The following MFSD8 variants were observed in gnomAD, a reference collection of about 807,000 sequenced individuals.
MFSD8 encodes the protein major facilitator superfamily domain-containing protein 8.
Under a neutral mutation model 66.4 loss-of-function variants are expected in MFSD8, and 55 were observed. That is an observed-to-expected ratio of 0.83 (90% CI 0.67 to 1.04). The LOEUF is 1.04. Ranked by LOEUF, MFSD8 falls within the 50% of genes least tolerant of loss-of-function variation. The pLI is 0.00. For synonymous variants in MFSD8, 202 were observed against 212.8 expected (o/e 0.95, Z 0.44); for missense variants, 550 against 627.6 (o/e 0.88, Z 1.32).
chr4:127,951,593 C>G (rs750825145), intron 2 of MFSD8, among the ~76,000 whole-genome samples: 3 of 152,094 alleles, frequency 2.0e-5, no homozygotes, highest in Non-Finnish European at 4.4e-5. Flanking sequence ...AGCTATCACC[C>G]TGTTTCATCC....
chr4:127,961,554 C>A (rs568342235), intron 1 of MFSD8, among the ~76,000 whole-genome samples: 1 of 152,228 alleles, frequency 6.6e-6, no homozygotes, highest in South Asian at 2.1e-4. Flanking sequence ...GTGGCTCACA[C>A]CTGTAATCCC....
At position 127,921,768 on chromosome 4, in the gene MFSD8, A is replaced by G. The variant is rs2148840460; in HGVS notation, c.1106T>C (p.Leu369Ser). 1 of 1,614,204 alleles carries G rather than the reference A, an allele frequency of 6.2e-7. No homozygotes were observed. ...NQFPKIQWED[L>S]HNNSIPNTTF... is the part of the protein sequence containing the mutation. ...GGTATTAGGGATTGAATTATTGTGC[A>G]AATCTGTAAAAACAAAACCATTGCA... The change falls in exon 11 of 12, where the codon TTG becomes TCG. Residue 369 changes from leucine (L) to serine (S), a missense_variant. By Grantham distance (145) the Leu-to-Ser change is moderately radical (BLOSUM62 -2). Transcript: ENST00000641686.
intron 7 of MFSD8, chr4:127,934,416 T>C (rs776185908): frequency 4.6e-5 from 7 of 152,146 alleles, no homozygotes; most frequent in Non-Finnish European, 7.3e-5. Context: ...GAACAACGCC[T>C]TAAGGTTAAT....
At chr4:127,938,734 A>G in intron 7 of MFSD8, 49 bp downstream of exon 7, 1 of 1,485,180 alleles carries the variant, frequency 6.7e-7, no homozygotes, top group Non-Finnish European at 9.4e-7. Flanking sequence ...GAATCATTAG[A>G]AACACTTTGA....
chr4:127,962,760 T>C (rs774002212), intron 1 of MFSD8, among the ~76,000 whole-genome samples: 1 of 152,202 alleles, frequency 6.6e-6, no homozygotes, highest in Non-Finnish European at 1.5e-5. Flanking sequence ...GACATCACTC[T>C]ACTAAAATTC....
chr4:127,965,204 T>A (rs1744871018), upstream of MFSD8: 1 of 1,589,356 alleles, frequency 6.3e-7, no homozygotes. Flanking sequence ...CCGGGTGGCG[T>A]GAAGCTGGCA....
intron 9 of MFSD8, among the ~76,000 whole-genome samples, chr4:127,923,567 AT>A (rs1736701940): frequency 6.9e-6 from 1 of 144,164 alleles, no homozygotes; most frequent in Admixed American, 7.0e-5. Context: ...TATTATTATT[AT>A]TATTATTATT....
In MFSD8 at chr4:127,954,560, G is replaced by A. The variant is rs140956444; in HGVS notation, c.154+2941C>T. ...GAACCCGAAAGCGGGAGGTTGCAGC[G>A]AGCCGAGATAGTGCCATTGCACTCC... On this transcript the variant is annotated intron_variant, in intron 2 of 11. Transcript: ENST00000641686. Among the ~76,000 whole-genome samples, 7 of 152,294 alleles carry A rather than the reference G, an allele frequency of 4.6e-5. No homozygotes were observed. The East Asian group carries it at 1.2e-3, about 25-fold the overall frequency.
chr4:127,921,828 G>A (rs1736382116), intron 10 of MFSD8, 32 bp downstream of exon 10: 1 of 1,613,316 alleles, frequency 6.2e-7, no homozygotes, highest in Non-Finnish European at 8.5e-7. Flanking sequence ...AAATAACAGA[G>A]GTTAACATTA....
chr4:127,948,818 G>C (rs1263359938), intron 3 of MFSD8, among the ~76,000 whole-genome samples: 6 of 152,200 alleles, frequency 3.9e-5, no homozygotes, highest in Non-Finnish European at 8.8e-5. Flanking sequence ...ACTCTTCGGA[G>C]AGTCCCCACC....
At chr4:127,936,977 A>C (rs1469225698) in intron 7 of MFSD8, among the ~76,000 whole-genome samples, 2 of 152,204 alleles carry the variant, frequency 1.3e-5, no homozygotes, top group African/African-American at 4.8e-5. Context: ...CCTTGAAGTT[A>C]GCATCCTATT....
At chr4:127,948,805 G>A (rs866043441) in intron 3 of MFSD8, among the ~76,000 whole-genome samples, 11 of 152,246 alleles carry the variant, frequency 7.2e-5, no homozygotes, top group African/African-American at 2.6e-4. Context: ...ACACTGTCTT[G>A]GGACTCTTCG....
intron 1 of MFSD8, among the ~76,000 whole-genome samples, chr4:127,958,337 G>A (rs1412826249): frequency 2.6e-5 from 4 of 152,090 alleles, no homozygotes; most frequent in African/African-American, 7.2e-5. Flanking sequence ...TCACCTTAAC[G>A]TGAGCATTAT....
intron 7 of MFSD8, chr4:127,934,518 C>T (rs757689586): frequency 2.0e-5 from 3 of 151,528 alleles, no homozygotes; most frequent in Non-Finnish European, 2.9e-5. Flanking sequence ...AATTTATCCA[C>T]TTATTCAGAA....
intron 5 of MFSD8, 52 bp downstream of exon 5, chr4:127,941,993 T>C: frequency 7.1e-7 from 1 of 1,408,624 alleles, no homozygotes; most frequent in Non-Finnish European, 1.0e-6. Context: ...TATTTAAGCC[T>C]CAAAAGTTTT....
In MFSD8 at chr4:127,948,426, C is replaced by T. The variant is rs1253521218; in HGVS notation, c.198+1378G>A. The stretch of plus-strand genomic sequence containing the variant: ...GAAATCCCAAGTCAAAAGGTCAAAC[C>T]GCAGGCTTGTCTTTCAAGTTGCCCA... On this transcript the variant is annotated intron_variant, in intron 3 of 11. Coordinates refer to ENST00000641686, the MANE Select transcript of MFSD8 (RefSeq NM_001371596.2). 2.6e-5 allele frequency among the ~76,000 whole-genome samples: 4 copies of T among 152,082 alleles called. 1 individual carries two copies. The highest frequency in any genetic ancestry group is 2.1e-4 in the South Asian group (1 of 4,830).
In MFSD8 at chr4:127,942,017, C is replaced by A; in HGVS notation, c.553+28G>T. ...CTCAAAAGTTTTCCCAATTCAAATT[C>A]AAGTAATGACATGTGAAGAACACCT... On this transcript the variant is annotated intron_variant, in intron 5 of 11. Coordinates refer to ENST00000641686, the MANE Select transcript of MFSD8 (RefSeq NM_001371596.2). The A allele has an allele frequency of 1.9e-6, 3 of 1,543,694 alleles. No individual in the cohort carries two copies. The South Asian group carries it at 3.3e-5, about 17-fold the overall frequency.
At chr4:127,923,552 T>TTTTTTATTA (rs1553944537) in intron 9 of MFSD8, among the ~76,000 whole-genome samples, 45 of 130,558 alleles carry the variant, frequency 3.4e-4, no homozygotes, top group East Asian at 1.6e-3. Context: ...TTTATTTTTA[T>TTTTTTATTA]TTATTATTAT....
At position 127,943,926 on chromosome 4, in the gene MFSD8, C is replaced by T; in HGVS notation, c.265G>A (p.Val89Ile). The T allele has an allele frequency of 2.5e-6, 4 of 1,614,146 alleles. No homozygotes were observed. The highest frequency in any genetic ancestry group is 3.4e-6 in the Non-Finnish European group (4 of 1,180,016). ...VIASYSLGQM[V>I]ASPIFGLWSN... is the part of the protein sequence containing the mutation. Reference sequence around the variant, plus strand: ...CATAAACCAAATATAGGTGAAGCTACCATTTGGCCAAGACTATATGAAGCA... The same window carrying T: ...CATAAACCAAATATAGGTGAAGCTATCATTTGGCCAAGACTATATGAAGCA... Residue 89 changes from valine (V) to isoleucine (I), a missense_variant, in exon 4 of 12, where the codon GTA (valine) becomes ATA (isoleucine). By Grantham distance (29) the Val-to-Ile change is conservative. Coordinates refer to ENST00000641686, the MANE Select transcript of MFSD8 (RefSeq NM_001371596.2).
Sources: gnomAD v4.1 joint callset for allele counts (sites outside exome capture counted in the v4.1 genomes callset) on GRCh38, gnomAD v4.1.1 for gene constraint, MANE v1.5 for transcripts, NCBI Gene and HGNC (gene_info 2026-07-23, HGNC 2026-07-21) for gene names.